Variants in IL20 observed in about 807,000 individuals in gnomAD.
IL20 encodes the protein interleukin-20.
IL20 carries 22 observed loss-of-function variants against 19.2 expected under a neutral mutation model. The ratio of observed to expected loss-of-function variants is 1.15; its 90% CI spans 0.82 to 1.64. The LOEUF (loss-of-function observed/expected upper bound fraction) is 1.64, where lower values mean the gene tolerates loss of function less well. Ranked by LOEUF, IL20 falls within the 40% of genes most tolerant of loss-of-function variation. The pLI is 0.00. For synonymous variants in IL20, 70 were observed against 76.2 expected, an observed-to-expected ratio of 0.92 and a Z score of 0.43; for missense variants, 215 against 212.8, an observed-to-expected ratio of 1.01 and a Z score of -0.06.
intron 2 of IL20, 48 bp from the exon 3 acceptor site, chr1:206,866,251 G>C (rs761302009): frequency 6.4e-7 from 1 of 1,569,838 alleles, no homozygotes; most frequent in African/African-American, 1.4e-5. Flanking sequence ...GAAGACCCTG[G>C]CAGCAGGCAC....
Position 206,868,577 on chromosome 1 carries a change from G to A in IL20, c.*13G>A, listed in dbSNP as rs1372362129. The A allele has an allele frequency of 1.1e-5, 17 of 1,585,776 alleles. No individual in the cohort carries two copies. Among genetic ancestry groups the A allele is most frequent in the Non-Finnish European group, 1.5e-5 (17 of 1,165,078 alleles). ...GGAGACAGAATAGGAGGAAAGTGAT[G>A]CTGCTGCTAAGAATATTCGAGGTCA... On this transcript the variant is annotated 3_prime_UTR_variant, in exon 6 of 6. Coordinates refer to ENST00000367098, the MANE Select transcript of IL20 (RefSeq NM_018724.4).
chr1:206,867,387 G>A lies in IL20; in HGVS notation c.382G>A (p.Ala128Thr). ...TIKKDLRLCH[A>T]HMTCHCGEEA... ...TTATTCTTTGGGTCCTTTTCAGCAT[G>A]CCCACATGACATGCCATTGTGGGGA... Residue 128 changes from alanine (A) to threonine (T), a missense_variant, in exon 5 of 6, where the codon GCC (alanine) becomes ACC (threonine). Coordinates refer to ENST00000367098, the MANE Select transcript of IL20 (RefSeq NM_018724.4). The A allele has an allele frequency of 6.2e-7, 1 of 1,613,066 alleles. No individual in the cohort carries two copies.
In IL20 at chr1:206,866,553, CAG is replaced by C; in HGVS notation, c.297_298del (p.Gln99HisfsTer3). On this transcript the variant is annotated frameshift_variant, in exon 4 of 6. Transcript: ENST00000367098. LOFTEE classifies it high-confidence loss of function. ...LYLDRVFKNY[Q>X]TPDHYTLRKI... ...TCTGGACAGGGTATTTAAAAACTAC[CAG>C]ACCCCTGACCATTATACTCTCCGGA... 9.3e-6 allele frequency: 15 copies of C among 1,614,044 alleles called. No homozygotes were observed. Among genetic ancestry groups the C allele is most frequent in the Non-Finnish European group, 1.3e-5 (15 of 1,179,936 alleles).
At chr1:206,864,443 T>C (rs1677493573), upstream of IL20, among the ~76,000 whole-genome samples, 1 of 152,180 alleles carries the variant, frequency 6.6e-6, no homozygotes, top group South Asian at 2.1e-4. Context: ...TATATGTCTT[T>C]ATAAATTTTA....
At chr1:206,863,772 T>G (rs1418917191), upstream of IL20, among the ~76,000 whole-genome samples, 1 of 152,178 alleles carries the variant, frequency 6.6e-6, no homozygotes, top group Non-Finnish European at 1.5e-5. Flanking sequence ...TCTTTGTACT[T>G]CAGTACCTAG....
Position 206,868,816 on chromosome 1 carries a change from A to G in IL20, c.*252A>G, listed in dbSNP as rs1458418532. ...CTATTGGATATATTTATTAGTTAAT[A>G]TATTTATTTATTTTTTGCTATTTAA... On this transcript the variant is annotated 3_prime_UTR_variant, in exon 6 of 6. Coordinates refer to ENST00000367098, the MANE Select transcript of IL20 (RefSeq NM_018724.4). 4.2e-5 allele frequency: 9 copies of G among 213,188 alleles called. No homozygotes were observed. The highest frequency in any genetic ancestry group is 6.4e-5 in the Non-Finnish European group (7 of 109,572). The allele number at this position is 213,188 out of a possible 1,614,324, so 13.2% of individuals were successfully genotyped here. A position where few individuals can be genotyped will look rare whatever the true frequency, so the allele number is the denominator to read the frequency against.
intron 2 of IL20, 78 bp from the exon 3 acceptor site, chr1:206,866,221 G>A: frequency 7.1e-7 from 1 of 1,402,108 alleles, no homozygotes; most frequent in East Asian, 2.3e-5. Context: ...GGCAGGGAGT[G>A]GATGAGAAGT....
At chr1:206,867,523 G>C in intron 5 of IL20, 65 bp downstream of exon 5, 1 of 1,317,786 alleles carries the variant, frequency 7.6e-7, no homozygotes, top group Non-Finnish European at 1.1e-6. Flanking sequence ...TAGGTAGGTG[G>C]GATGGTTATT....
intron 5 of IL20, among the ~76,000 whole-genome samples, chr1:206,868,241 T>A (rs1677615034): frequency 6.6e-6 from 1 of 152,134 alleles, no homozygotes. Flanking sequence ...TTCAAGAGTC[T>A]TAAGTAGCAG....
Position 206,865,734 on chromosome 1 carries a change from T to G in IL20, c.-31+48T>G. The stretch of plus-strand genomic sequence containing the variant: ...ACTGTCTGAGGCCAGATAAGGCTGT[T>G]CTCTTCCCCTGACCCCCCACCCCTC... On this transcript the variant is annotated intron_variant, in intron 1 of 5. Transcript: ENST00000367098. This position sits in a 1 kb window ranked among gnomAD's most constrained non-coding sequence, Gnocchi z 4.1. 6.8e-7 allele frequency: 1 copy of G among 1,480,804 alleles called. No individual in the cohort carries two copies. The highest frequency in any genetic ancestry group is 2.3e-5 in the East Asian group (1 of 43,026). The allele number at this position is 1,480,804 out of a possible 1,614,324, so 91.7% of individuals were successfully genotyped here. A position where few individuals can be genotyped will look rare whatever the true frequency, so the allele number is the denominator to read the frequency against.
chr1:206,863,610 A>G (rs1677474235), upstream of IL20, among the ~76,000 whole-genome samples: 1 of 152,190 alleles, frequency 6.6e-6, no homozygotes, highest in Non-Finnish European at 1.5e-5. Flanking sequence ...GAGCTCAGGT[A>G]AGAGATCTTA....
upstream of IL20, chr1:206,865,528 C>T: frequency 9.0e-7 from 1 of 1,112,194 alleles, no homozygotes; most frequent in East Asian, 5.2e-5. This position sits in a 1 kb window ranked among gnomAD's most constrained non-coding sequence, Gnocchi z 4.1. Flanking sequence ...CTATTCACTG[C>T]AAGTGCCTGC....
Position 206,868,535 on chromosome 1 carries a change from C to A in IL20, c.502C>A (p.Leu168Ile). The A allele has an allele frequency of 6.2e-7, 1 of 1,606,852 alleles. No individual in the cohort carries two copies. Among genetic ancestry groups the A allele is most frequent in the Non-Finnish European group, 8.5e-7 (1 of 1,176,656 alleles). Residue 168 changes from leucine (L) to isoleucine (I), a missense_variant, in exon 6 of 6, where the codon CTT becomes ATT. Transcript: ENST00000367098. ...VVKALGELDI[L>I]LQWMEETE ...GAAGGCTTTGGGGGAACTAGACATT[C>A]TTCTGCAATGGATGGAGGAGACAGA... is the stretch of plus-strand genomic sequence containing the variant.
At chr1:206,864,220 C>T (rs1677488175), upstream of IL20, among the ~76,000 whole-genome samples, 1 of 152,062 alleles carries the variant, frequency 6.6e-6, no homozygotes, top group Non-Finnish European at 1.5e-5. Flanking sequence ...ACCCAGAGTC[C>T]TCTTTGATTC....
In IL20 at chr1:206,866,570, T is replaced by A. The variant is rs1244831917; in HGVS notation, c.312T>A (p.Tyr104Ter). ...AAAACTACCAGACCCCTGACCATTA[T>A]ACTCTCCGGAAGATCAGCAGCCTCG... ...VFKNYQTPDH[Y>*]TLRKISSLAN... The change falls in exon 4 of 6, where the codon TAT becomes TAA. Residue 104 changes from tyrosine to a stop codon, truncating the protein, a stop_gained. Coordinates refer to ENST00000367098, the MANE Select transcript of IL20 (RefSeq NM_018724.4). LOFTEE classifies it high-confidence loss of function. 1 of 1,614,142 alleles carries A rather than the reference T, an allele frequency of 6.2e-7. No homozygotes were observed. Among genetic ancestry groups the A allele is most frequent in the South Asian group, 1.1e-5 (1 of 91,086 alleles).
intron 2 of IL20, 80 bp downstream of exon 2, chr1:206,866,091 C>A: frequency 7.2e-7 from 1 of 1,389,560 alleles, no homozygotes; most frequent in Non-Finnish European, 1.0e-6. Context: ...GCAGTACTGG[C>A]AGTGTAATCA....
Position 206,867,031 on chromosome 1 carries a change from CTT to C in IL20, c.379-340_379-339del, listed in dbSNP as rs35155146. On this transcript the variant is annotated intron_variant, in intron 4 of 5. Transcript: ENST00000367098. ...CTGAATAGGACCTAGGAATTCAATT[CTT>C]TTTTTTTTTTTTCTCATGGGGGCTC... is the stretch of plus-strand genomic sequence containing the variant. Among the ~76,000 whole-genome samples the C allele has an allele frequency of 1.2e-3, 159 of 134,222 alleles. 1 individual carries two copies. The highest frequency in any genetic ancestry group is 6.9e-3 in the South Asian group (28 of 4,076). 88.1% of individuals were successfully genotyped at this position (134,222 alleles called of 152,430 possible).
chr1:206,865,814 A>C lies in IL20; in HGVS notation c.-30-9A>C. On this transcript the variant is annotated splice_polypyrimidine_tract_variant and intron_variant, in intron 1 of 5. Coordinates refer to ENST00000367098, the MANE Select transcript of IL20 (RefSeq NM_018724.4). The surrounding 1 kb of genome is among the most constrained non-coding windows in gnomAD (Gnocchi z 4.1). ...TCAGTAAGTCATGCTCTCTTCTTTG[A>C]ATTCCTAGCTCCTGTGGTCTCCAGA... is the stretch of plus-strand genomic sequence containing the variant. The C allele has an allele frequency of 7.5e-6, 12 of 1,599,784 alleles. No homozygotes were observed. Among genetic ancestry groups the C allele is most frequent in the Non-Finnish European group, 1.0e-5 (12 of 1,171,874 alleles).
chr1:206,867,511 C>T, intron 5 of IL20, 53 bp downstream of exon 5: 1 of 1,409,302 alleles, frequency 7.1e-7, no homozygotes, highest in Non-Finnish European at 1.0e-6. Context: ...GAACTGAGAT[C>T]ATAGGTAGGT....
Sources: gnomAD v4.1 joint callset for allele counts (sites outside exome capture counted in the v4.1 genomes callset) on GRCh38, gnomAD v4.1.1 for gene constraint, Gnocchi (gnomAD v3.1) non-coding constraint, MANE v1.5 for transcripts, NCBI Gene and HGNC (gene_info 2026-07-23, HGNC 2026-07-21) for gene names.